PAK1: variants seen among roughly 807,000 people sequenced by gnomAD.
PAK1 encodes serine/threonine-protein kinase PAK 1.
PAK1 carries 29 observed loss-of-function variants against 67.4 expected under a neutral mutation model. The ratio of observed to expected loss-of-function variants is 0.43; its 90% confidence interval spans 0.32 to 0.59. PAK1 has a LOEUF of 0.59. PAK1 is among the 20% of genes least tolerant of loss of function. The pLI, the probability that PAK1 is intolerant of heterozygous loss-of-function variation, is 0.07. For synonymous variants in PAK1, 223 were observed against 237.4 expected (o/e 0.94, Z 0.56); for missense variants, 337 against 670.7 (o/e 0.50, Z 5.50).
At chr11:77,338,909 T>A (rs767535719) in intron 11 of PAK1, among the ~76,000 whole-genome samples, 1 of 152,140 alleles carries the variant, frequency 6.6e-6, no homozygotes, top group Non-Finnish European at 1.5e-5. Context: ...AGTGGTTACA[T>A]AGGGCTGGGA....
At chr11:77,390,762 A>G (rs144431570) in intron 2 of PAK1, among the ~76,000 whole-genome samples, 2,802 of 150,190 alleles carry the variant, frequency 0.019, 83 homozygotes, top group African/African-American at 0.064. Context: ...TCGGCCTCCC[A>G]AAGTGTTGGG....
chr11:77,490,614 C>T, the PAK1 span, among the ~76,000 whole-genome samples: 296 of 152,334 alleles, frequency 1.9e-3, 2 homozygotes, highest in African/African-American at 6.7e-3. Context: ...GGCCGCCACC[C>T]CGTCTGGGAG....
the PAK1 span, among the ~76,000 whole-genome samples, chr11:77,498,745 G>A: frequency 8.7e-6 from 1 of 114,660 alleles, no homozygotes; most frequent in Non-Finnish European, 1.6e-5. Flanking sequence ...TCTGTCACTA[G>A]GCTGGAATGC....
At chr11:77,416,888 G>C (rs1954989454) in intron 1 of PAK1, among the ~76,000 whole-genome samples, 1 of 152,064 alleles carries the variant, frequency 6.6e-6, no homozygotes, top group Non-Finnish European at 1.5e-5. Context: ...AGGAGGCGGA[G>C]CTTGCAGTGA....
At chr11:77,484,644 G>A in the PAK1 span, among the ~76,000 whole-genome samples, 1 of 152,176 alleles carries the variant, frequency 6.6e-6, no homozygotes, top group Non-Finnish European at 1.5e-5. Context: ...TATGGAGACT[G>A]GGTTTTCCTG....
chr11:77,396,549 TAAAC>T (rs1057195144), intron 1 of PAK1, among the ~76,000 whole-genome samples: 3 of 152,182 alleles, frequency 2.0e-5, no homozygotes, highest in African/African-American at 7.2e-5. Context: ...ATTTGTTGAA[TAAAC>T]AAACGAATGA....
chr11:77,326,256 C>T (rs774077764), intron 14 of PAK1, among the ~76,000 whole-genome samples: 8 of 152,200 alleles, frequency 5.3e-5, no homozygotes, highest in Non-Finnish European at 8.8e-5. Context: ...TATAAAAGGC[C>T]TAGTAAACCC....
chr11:77,422,738 A>C (rs1262225339), intron 1 of PAK1, among the ~76,000 whole-genome samples: 1 of 152,196 alleles, frequency 6.6e-6, no homozygotes, highest in Non-Finnish European at 1.5e-5. Context: ...AGTTCTAGTC[A>C]GTAAGTTTCT....
chr11:77,443,054 G>A (rs1421816152), intron 1 of PAK1, among the ~76,000 whole-genome samples: 1 of 152,168 alleles, frequency 6.6e-6, no homozygotes, highest in Non-Finnish European at 1.5e-5. Context: ...GCTGGGCCTG[G>A]TGGCTCATGC....
At chr11:77,432,315 G>A (rs963008479) in intron 1 of PAK1, among the ~76,000 whole-genome samples, 1 of 151,986 alleles carries the variant, frequency 6.6e-6, no homozygotes, top group African/African-American at 2.4e-5. Flanking sequence ...AGGCATCTAT[G>A]AAAAACCCAC....
At chr11:77,487,629 G>C in the PAK1 span, among the ~76,000 whole-genome samples, 3 of 152,020 alleles carry the variant, frequency 2.0e-5, no homozygotes, top group Admixed American at 6.6e-5. Context: ...CTTGGGTCTT[G>C]AGTGAACATT....
chr11:77,464,752 A>G (rs1374225888), intron 1 of PAK1, among the ~76,000 whole-genome samples: 2 of 152,182 alleles, frequency 1.3e-5, no homozygotes, highest in African/African-American at 4.8e-5. Flanking sequence ...TACTCAGAAC[A>G]CTTACGTTCA....
intron 1 of PAK1, among the ~76,000 whole-genome samples, chr11:77,433,142 T>C (rs1955940558): frequency 6.6e-6 from 1 of 152,116 alleles, no homozygotes; most frequent in South Asian, 2.1e-4. Context: ...GATATAAACA[T>C]GCAAAAGAAT....
At chr11:77,403,340 A>T (rs1952973921) in intron 1 of PAK1, among the ~76,000 whole-genome samples, 1 of 152,168 alleles carries the variant, frequency 6.6e-6, no homozygotes, top group African/African-American at 2.4e-5. Context: ...CAACAGCCAC[A>T]ATGATGATCA....
At chr11:77,419,902 A>G (rs141207910) in intron 1 of PAK1, among the ~76,000 whole-genome samples, 370 of 152,314 alleles carry the variant, frequency 2.4e-3, no homozygotes, top group Middle Eastern at 0.014. Flanking sequence ...TATGAGGTGG[A>G]GTATAAAATA....
At chr11:77,497,727 G>A in the PAK1 span, among the ~76,000 whole-genome samples, 2 of 152,200 alleles carry the variant, frequency 1.3e-5, no homozygotes, top group Non-Finnish European at 2.9e-5. Flanking sequence ...CATCACTATG[G>A]AAGGAACAAA....
the PAK1 span, among the ~76,000 whole-genome samples, chr11:77,511,101 T>C: frequency 2.6e-5 from 4 of 152,196 alleles, no homozygotes; most frequent in Non-Finnish European, 5.9e-5. Flanking sequence ...TATTTGGCAA[T>C]CCTGAAATAC....
chr11:77,339,482 T>C (rs1232218054), intron 11 of PAK1, among the ~76,000 whole-genome samples: 1 of 129,014 alleles, frequency 7.8e-6, no homozygotes, highest in African/African-American at 3.3e-5. Flanking sequence ...ACTGCATTAG[T>C]AGTGGAACAA....
the PAK1 span, among the ~76,000 whole-genome samples, chr11:77,511,918 G>A: frequency 8.1e-4 from 124 of 152,252 alleles, no homozygotes; most frequent in African/African-American, 2.6e-3. Context: ...GTTGGGGGGC[G>A]TTCCACACCA....
Sources: allele counts gnomAD v4.1 joint callset (sites outside exome capture counted in the v4.1 genomes callset), GRCh38; gene constraint gnomAD v4.1.1; transcripts MANE v1.5; gene names NCBI Gene and HGNC (gene_info 2026-07-23, HGNC 2026-07-21).